TMCO4: variants seen among roughly 807,000 people sequenced by gnomAD.
TMCO4 encodes transmembrane and coiled-coil domain-containing protein 4.
A neutral mutation model predicts 64.7 loss-of-function variants in TMCO4; 58 were observed. The observed-to-expected ratio is 0.90, with a 90% CI of 0.73 to 1.12. TMCO4 has a LOEUF of 1.12. Ranked by LOEUF, TMCO4 falls within the 50% of genes most tolerant of loss-of-function variation. The pLI is 0.00. For missense variants in TMCO4, 780 were observed against 825.9 expected (o/e 0.94, Z 0.68); for synonymous variants, 325 against 346.1 (o/e 0.94, Z 0.68).
intron 10 of TMCO4, among the ~76,000 whole-genome samples, chr1:19,741,534 T>C (rs751758874): frequency 6.6e-6 from 1 of 152,032 alleles, no homozygotes; most frequent in African/African-American, 2.4e-5. Flanking sequence ...AGGAAATATA[T>C]CAAATGACCC....
At chr1:19,788,473 C>T (rs765293676) in intron 2 of TMCO4, among the ~76,000 whole-genome samples, 2 of 152,028 alleles carry the variant, frequency 1.3e-5, no homozygotes, top group Admixed American at 6.5e-5. Context: ...AGGCAGGGAC[C>T]GGGATTGGAT....
intron 4 of TMCO4, 105 bp from the exon 5 acceptor site, chr1:19,771,587 T>G: frequency 9.3e-7 from 1 of 1,069,678 alleles, no homozygotes; most frequent in Non-Finnish European, 1.3e-6. Flanking sequence ...GGCACGTGCC[T>G]GACTTACTGA....
At chr1:19,789,408 C>CAAATAAAT (rs542002434) in intron 2 of TMCO4, among the ~76,000 whole-genome samples, 3 of 151,804 alleles carry the variant, frequency 2.0e-5, no homozygotes, top group South Asian at 2.1e-4. Flanking sequence ...GACTCTGCCT[C>CAAATAAAT]AAATAAATAA....
intron 4 of TMCO4, among the ~76,000 whole-genome samples, chr1:19,774,384 C>G (rs1473786841): frequency 6.6e-6 from 1 of 152,164 alleles, no homozygotes; most frequent in African/African-American, 2.4e-5. Flanking sequence ...GTGACTTCAC[C>G]TCTCTGGGCC....
intron 14 of TMCO4, among the ~76,000 whole-genome samples, chr1:19,697,088 G>A (rs549300582): frequency 1.3e-4 from 20 of 152,334 alleles, no homozygotes; most frequent in African/African-American, 4.6e-4. Context: ...AGGTGTTCAG[G>A]GAGCCGCGGG....
At position 19,734,886 on chromosome 1, in the gene TMCO4, G is replaced by A. The variant is rs1321372679; in HGVS notation, c.1264+2486C>T. Among the ~76,000 whole-genome samples the A allele has an allele frequency of 6.6e-6, 1 of 152,160 alleles. No homozygotes were observed. The highest frequency in any genetic ancestry group is 1.5e-5 in the Non-Finnish European group (1 of 68,016). Reference sequence around the variant, plus strand: ...CTGGTGGAACCTCCCTCCTGTGGCTGCAGTGAGGGAGGAATGTGATCACAC... The same window carrying A: ...CTGGTGGAACCTCCCTCCTGTGGCTACAGTGAGGGAGGAATGTGATCACAC... On this transcript the variant is annotated intron_variant, in intron 13 of 15. Transcript: ENST00000294543. This position sits in a 1 kb window ranked among gnomAD's most constrained non-coding sequence, Gnocchi z 4.4.
intron 2 of TMCO4, among the ~76,000 whole-genome samples, chr1:19,788,817 T>C (rs374525403): frequency 4.6e-5 from 7 of 152,376 alleles, no homozygotes; most frequent in African/African-American, 1.7e-4. Context: ...AGCTCATGCC[T>C]GTAATTCCAG....
At chr1:19,723,072 G>A (rs907273180) in intron 13 of TMCO4, among the ~76,000 whole-genome samples, 1 of 152,190 alleles carries the variant, frequency 6.6e-6, no homozygotes, top group African/African-American at 2.4e-5. Context: ...GCAAGTCGCT[G>A]GAGGAGGTTA....
At chr1:19,700,420 G>A (rs931339725) in intron 14 of TMCO4, among the ~76,000 whole-genome samples, 7 of 152,094 alleles carry the variant, frequency 4.6e-5, no homozygotes, top group African/African-American at 1.7e-4. Context: ...CCTCCCTGTG[G>A]CCCAATCTTT....
chr1:19,688,429 C>T (rs2095166853), intron 15 of TMCO4, among the ~76,000 whole-genome samples: 5 of 152,340 alleles, frequency 3.3e-5, no homozygotes, highest in Admixed American at 3.3e-4. Flanking sequence ...CCTCCATCTG[C>T]CCCAGTGACT....
chr1:19,739,108 T>C (rs540195110), intron 12 of TMCO4, among the ~76,000 whole-genome samples: 411 of 152,322 alleles, frequency 2.7e-3, no homozygotes, highest in African/African-American at 8.9e-3. Context: ...TTTAAGCCAC[T>C]GTTATTTTGG....
rs540027224 is a variant in TMCO4 at position 19,793,576 on chromosome 1, G to A, written c.-101+4561C>T. Among the ~76,000 whole-genome samples, 6 of 152,342 alleles carry A rather than the reference G, an allele frequency of 3.9e-5. No homozygotes were observed. The East Asian group carries it at 7.7e-4, about 20-fold the overall frequency. On this transcript the variant is annotated intron_variant, in intron 2 of 15. Coordinates refer to ENST00000294543, the MANE Select transcript of TMCO4 (RefSeq NM_181719.7). ...AAGTCATATTGGAAGCGAGAGGTCA[G>A]TGAGGCATCTCAGGAGGTCTCCATG... is the stretch of plus-strand genomic sequence containing the variant.
intron 13 of TMCO4, among the ~76,000 whole-genome samples, chr1:19,736,439 C>T (rs1344436691): frequency 6.6e-6 from 1 of 152,176 alleles, no homozygotes; most frequent in East Asian, 1.9e-4. Flanking sequence ...TCCTTCTCTC[C>T]CATCCACCCT....
chr1:19,711,645 T>C (rs1379982233), intron 13 of TMCO4, among the ~76,000 whole-genome samples: 3 of 151,850 alleles, frequency 2.0e-5, no homozygotes, highest in Non-Finnish European at 4.4e-5. Flanking sequence ...CACACCACCA[T>C]GCTGGGCTAA....
chr1:19,746,554 G>T lies in TMCO4; in HGVS notation c.659C>A (p.Ala220Glu), dbSNP rs1300520021. The T allele has an allele frequency of 1.9e-6, 3 of 1,611,102 alleles. No homozygotes were observed. The highest frequency in any genetic ancestry group is 2.7e-5 in the African/African-American group (2 of 74,902). The change falls in exon 9 of 16, where the codon GCG (alanine) becomes GAG (glutamate). Residue 220 changes from alanine to glutamate, a missense_variant. Coordinates refer to ENST00000294543, the MANE Select transcript of TMCO4 (RefSeq NM_181719.7). ...TGCCCCGGCGCTGCCAATAATCGTC[G>T]CTGCTCCAGCGGCAACAAGGGGTGC... ...LAAPLVAAGAATIIGSAGAAA... is the reference protein window; with the variant it reads ...LAAPLVAAGAETIIGSAGAAA...
chr1:19,797,926 GGGAGAGAGAGAGAA>G (rs59079373), intron 2 of TMCO4, 197 bp downstream of exon 2: 54 of 143,382 alleles, frequency 3.8e-4, no homozygotes, highest in African/African-American at 1.7e-3. Flanking sequence ...GAGGGAGGGA[GGGAGAGAGAGAGAA>G]AGAGAGAGAA....
At position 19,746,537 on chromosome 1, in the gene TMCO4, C is replaced by G. The variant is rs1007679401; in HGVS notation, c.676G>C (p.Ala226Pro). The G allele has an allele frequency of 1.9e-6, 3 of 1,611,444 alleles. No homozygotes were observed. Among genetic ancestry groups the G allele is most frequent in the Non-Finnish European group, 2.5e-6 (3 of 1,178,898 alleles). The change falls in exon 9 of 16, where the codon GCC becomes CCC. Residue 226 changes from alanine to proline, a missense_variant. Transcript: ENST00000294543. ...AAGAATIIGS[A>P]GAAALGSAAG... ...GCTGAGCCCAGAGCCGCTGCCCCGG[C>G]GCTGCCAATAATCGTCGCTGCTCCA...
At chr1:19,776,611 C>G (rs560290203) in intron 4 of TMCO4, among the ~76,000 whole-genome samples, 31 of 152,320 alleles carry the variant, frequency 2.0e-4, no homozygotes, top group African/African-American at 7.2e-4. Flanking sequence ...CAAGGGCCAT[C>G]AACACATACC....
chr1:19,747,724 C>A (rs1373441872), intron 7 of TMCO4, among the ~76,000 whole-genome samples: 1 of 152,062 alleles, frequency 6.6e-6, no homozygotes, highest in Admixed American at 6.5e-5. Context: ...GATGGGAGAC[C>A]TTGGCCTTGG....
Sources: allele counts gnomAD v4.1 joint callset (sites outside exome capture counted in the v4.1 genomes callset), GRCh38; gene constraint gnomAD v4.1.1; non-coding constraint Gnocchi (gnomAD v3.1); transcripts MANE v1.5; gene names NCBI Gene and HGNC (gene_info 2026-07-23, HGNC 2026-07-21).